PECAM1: variants seen among roughly 807,000 people sequenced by gnomAD.
PECAM1 encodes the protein platelet and endothelial cell adhesion molecule 1, also known as platelet endothelial cell adhesion molecule.
A neutral mutation model predicts 13.8 loss-of-function variants in PECAM1; 8 were observed. That is an observed-to-expected ratio of 0.58 (90% CI 0.34 to 1.05). The LOEUF is 1.05. PECAM1 is among the 50% of genes least tolerant of loss of function. The pLI is 0.03. For synonymous variants in PECAM1, 136 were observed against 52.6 expected (o/e 2.58, Z -6.86); for missense variants, 304 against 141.2 (o/e 2.15, Z -5.84).
chr17:64,367,766 A>C (rs1229625092), intron 5 of PECAM1, among the ~76,000 whole-genome samples: 1 of 152,146 alleles, frequency 6.6e-6, no homozygotes, highest in Non-Finnish European at 1.5e-5. Flanking sequence ...ATCCCCAGTA[A>C]GTTGCCCAGC....
At chr17:64,350,260 G>A (rs1324710888) in intron 12 of PECAM1, 120 bp downstream of exon 12, 1 of 390,320 alleles carries the variant, frequency 2.6e-6, no homozygotes, top group Non-Finnish European at 4.7e-6. Context: ...GCTGGGTACA[G>A]GGTCATTAAG....
At chr17:64,345,342 T>C (rs977901784) in intron 13 of PECAM1, among the ~76,000 whole-genome samples, 2 of 152,158 alleles carry the variant, frequency 1.3e-5, no homozygotes, top group East Asian at 1.9e-4. Context: ...AGGGAGGGTC[T>C]GTATGTGCTT....
chr17:64,324,823 G>A (rs1555645276), intron 15 of PECAM1, among the ~76,000 whole-genome samples: 1 of 152,220 alleles, frequency 6.6e-6, no homozygotes, highest in Non-Finnish European at 1.5e-5. Flanking sequence ...ACCTCAAATA[G>A]TCAAATTCAT....
chr17:64,329,886 A>C (rs1597990750), intron 14 of PECAM1, among the ~76,000 whole-genome samples, 164 bp from the exon 15 acceptor site: 1 of 152,174 alleles, frequency 6.6e-6, no homozygotes, highest in East Asian at 1.9e-4. Context: ...TCCTTTGTGC[A>C]AGACAGCTTC....
intron 2 of PECAM1, among the ~76,000 whole-genome samples, chr17:64,379,702 C>T (rs2036439160): frequency 6.6e-6 from 1 of 152,112 alleles, no homozygotes; most frequent in African/African-American, 2.4e-5. Flanking sequence ...CAACTTCAAA[C>T]ATCTCATGTT....
At chr17:64,343,946 T>C (rs2035497441) in intron 13 of PECAM1, among the ~76,000 whole-genome samples, 1 of 152,142 alleles carries the variant, frequency 6.6e-6, no homozygotes, top group Non-Finnish European at 1.5e-5. Flanking sequence ...AGACACCTAG[T>C]GTGAACCCCG....
intron 14 of PECAM1, among the ~76,000 whole-genome samples, chr17:64,335,782 G>A (rs2035261199): frequency 1.3e-5 from 2 of 152,194 alleles, no homozygotes; most frequent in African/African-American, 2.4e-5. Context: ...ATACATATTA[G>A]CTTTAACTGT....
At chr17:64,365,995 T>C (rs1222567418) in intron 5 of PECAM1, among the ~76,000 whole-genome samples, 1 of 150,516 alleles carries the variant, frequency 6.6e-6, no homozygotes. Context: ...AACTAAAGAG[T>C]TTCTGCACAG....
In PECAM1 at chr17:64,353,505, T is replaced by G; in HGVS notation, c.1902A>C (p.Pro634=). 2.1e-6 allele frequency: 1 copy of G among 471,516 alleles called. No individual in the cohort carries two copies. The highest frequency in any genetic ancestry group is 3.2e-5 in the Admixed American group (1 of 31,268). 29.2% of individuals were successfully genotyped at this position (471,516 alleles called of 1,614,324 possible). The change falls in exon 10 of 16, where the codon CCA becomes CCC. Residue 634 remains proline, a synonymous_variant. Transcript: ENST00000563924. ...FLRKAKAKQM[P]VEMSRPAVPL... ...AATACACTCACCTGGACATTTCCAC[T>G]GGCATCTGCTTGGCTTTAAAACAGA... is the stretch of plus-strand genomic sequence containing the variant.
chr17:64,331,736 G>C (rs1441597916), intron 14 of PECAM1, among the ~76,000 whole-genome samples: 8 of 152,258 alleles, frequency 5.3e-5, no homozygotes, highest in African/African-American at 1.9e-4. Context: ...CCAATGGTCA[G>C]TGGCCCACAT....
At position 64,320,104 on chromosome 17, in the gene PECAM1, C is replaced by T. The variant is rs1243946227; in HGVS notation, c.*3712G>A. The T allele has an allele frequency of 6.6e-6, 1 of 152,238 alleles. No homozygotes were observed. The highest frequency in any genetic ancestry group is 1.5e-5 in the Non-Finnish European group (1 of 68,060). 9.4% of individuals were successfully genotyped at this position (152,238 alleles called of 1,614,324 possible). A position where few individuals can be genotyped will look rare whatever the true frequency, so the allele number is the denominator to read the frequency against. On this transcript the variant is annotated 3_prime_UTR_variant, in exon 16 of 16. Coordinates refer to ENST00000563924, the MANE Select transcript of PECAM1 (RefSeq NM_000442.5). ...AGACATCTCCTTCCCGTTTACCTTT[C>T]CATTTGCCCTTGCGGTGTTAGGCAA...
chr17:64,356,450 G>A, intron 7 of PECAM1, 52 bp from the exon 8 acceptor site: 3 of 428,064 alleles, frequency 7.0e-6, no homozygotes, highest in Non-Finnish European at 1.3e-5. Flanking sequence ...AGAGGAAGAG[G>A]AACATGAGAC....
intron 4 of PECAM1, among the ~76,000 whole-genome samples, chr17:64,374,302 C>T (rs2036308079): frequency 1.3e-5 from 2 of 151,950 alleles, no homozygotes; most frequent in African/African-American, 4.8e-5. Flanking sequence ...CCAGCCTGGC[C>T]AACATGGTAA....
At chr17:64,333,898 T>A (rs2035194403) in intron 14 of PECAM1, among the ~76,000 whole-genome samples, 1 of 131,628 alleles carries the variant, frequency 7.6e-6, no homozygotes, top group African/African-American at 2.9e-5. Flanking sequence ...GAGCCAAGAT[T>A]GCGCCACTGC....
chr17:64,355,059 A>C lies in PECAM1; in HGVS notation c.1781-19T>G. 2 of 474,568 alleles carry C rather than the reference A, an allele frequency of 4.2e-6. No individual in the cohort carries two copies. The highest frequency in any genetic ancestry group is 7.7e-6 in the Non-Finnish European group (2 of 258,450). The allele number at this position is 474,568 out of a possible 1,614,324, so 29.4% of individuals were successfully genotyped here. On this transcript the variant is annotated intron_variant, in intron 8 of 15. Coordinates refer to ENST00000563924, the MANE Select transcript of PECAM1 (RefSeq NM_000442.5). ...AGAATGACTGAAAACAAAACAAAAC[A>C]AAAAATTTTTTTTGTATATAGGCTC...
At chr17:64,340,155 CA>C (rs1228464445) in intron 14 of PECAM1, among the ~76,000 whole-genome samples, 2 of 151,736 alleles carry the variant, frequency 1.3e-5, no homozygotes, top group Non-Finnish European at 2.9e-5. Context: ...CTGTTTCAAA[CA>C]AAAAAACAAA....
intron 13 of PECAM1, among the ~76,000 whole-genome samples, chr17:64,346,310 C>T (rs973067741): frequency 2.6e-5 from 4 of 151,958 alleles, no homozygotes; most frequent in Non-Finnish European, 2.9e-5. Flanking sequence ...AATCTGGGTT[C>T]GCAAAGGAGG....
chr17:64,329,620 C>A, intron 15 of PECAM1, 80 bp downstream of exon 15: 1 of 714,736 alleles, frequency 1.4e-6, no homozygotes, highest in Non-Finnish European at 2.6e-6. Flanking sequence ...CATGTGAATG[C>A]AGGACGTGGG....
Position 64,352,380 on chromosome 17 carries a change from A to G in PECAM1, c.1990+10T>C, listed in dbSNP as rs1040846259. ...GGGAAATTAGAAATGGCAGGAGAAC[A>G]TGACTTTACCGTAATGACTGTTAGC... is the stretch of plus-strand genomic sequence containing the variant. On this transcript the variant is annotated intron_variant, in intron 11 of 15. Coordinates refer to ENST00000563924, the MANE Select transcript of PECAM1 (RefSeq NM_000442.5). 6.5e-5 allele frequency: 31 copies of G among 475,068 alleles called. No individual in the cohort carries two copies. Among genetic ancestry groups the G allele is most frequent in the African/African-American group, 4.1e-4 (21 of 50,624 alleles). The allele number at this position is 475,068 out of a possible 1,614,324, so 29.4% of individuals were successfully genotyped here.
Sources: gnomAD v4.1 joint callset for allele counts (sites outside exome capture counted in the v4.1 genomes callset) on GRCh38, gnomAD v4.1.1 for gene constraint, MANE v1.5 for transcripts, NCBI Gene and HGNC (gene_info 2026-07-23, HGNC 2026-07-21) for gene names.